The following DIP2C variants were observed in gnomAD, a reference collection of about 807,000 sequenced individuals.
The protein encoded by DIP2C is DIP2 acetate--CoA ligase C (putative), also known as disco-interacting protein 2 homolog C.
DIP2C carries 33 observed loss-of-function variants against 192.4 expected under a neutral mutation model. That is an observed-to-expected ratio of 0.17 (90% CI 0.13 to 0.23). The LOEUF is 0.23. DIP2C is among the 10% of genes least tolerant of loss of function. The pLI is 1.00. For missense variants in DIP2C, 1,537 were observed against 2,110.1 expected (o/e 0.73, Z 5.32); for synonymous variants, 979 against 864.1 (o/e 1.13, Z -2.33).
intron 1 of DIP2C, among the ~76,000 whole-genome samples, chr10:612,127 TCTA>T (rs1244379593): frequency 1.3e-5 from 2 of 152,056 alleles, no homozygotes; most frequent in African/African-American, 4.8e-5. Context: ...AAACCTCGTC[TCTA>T]CTAATACGAA....
intron 2 of DIP2C, among the ~76,000 whole-genome samples, chr10:479,760 A>C (rs1045892907): frequency 2.0e-5 from 3 of 152,196 alleles, no homozygotes; most frequent in Non-Finnish European, 2.9e-5. Context: ...ATACACTGGA[A>C]ATTGTCAGTG....
In DIP2C at chr10:419,426, C is replaced by T. The variant is rs376804857; in HGVS notation, c.605-227G>A. ...GAGCAGAGTTCGGTAAAACCTCAGA[C>T]GTAATTTCCTAACGGGAGCCATGTC... On this transcript the variant is annotated intron_variant, in intron 5 of 36. Transcript: ENST00000280886. Among the ~76,000 whole-genome samples, 7 of 152,312 alleles carry T rather than the reference C, an allele frequency of 4.6e-5. No individual in the cohort carries two copies. In the South Asian group the frequency reaches 6.2e-4, roughly 14 times the overall value.
Position 309,965 on chromosome 10 carries a change from T to C in DIP2C, c.3986+66A>G, listed in dbSNP as rs1956500514. The C allele has an allele frequency of 6.7e-6, 10 of 1,494,660 alleles. No homozygotes were observed. The East Asian group carries it at 2.3e-4, about 34-fold the overall frequency. The allele number at this position is 1,494,660 out of a possible 1,614,324, so 92.6% of individuals were successfully genotyped here. On this transcript the variant is annotated intron_variant, in intron 32 of 36. Coordinates refer to ENST00000280886, the MANE Select transcript of DIP2C (RefSeq NM_014974.3). ...GCACCTCTTCTTCTAGATGGAGACC[T>C]GCATGCAAGGCCGCAGAACAAAACA...
At chr10:671,539 CCACAGACGCACGGACGGAGGAAACGT>C (rs1830640952) in intron 1 of DIP2C, among the ~76,000 whole-genome samples, 5 of 92,220 alleles carry the variant, frequency 5.4e-5, no homozygotes, top group Admixed American at 1.3e-4. Context: ...AGGAAACAGG[CCACAGACGCACGGACGGAGGAAACGT>C]CACAGACGCA....
chr10:456,390 G>A (rs1163842250), intron 3 of DIP2C, among the ~76,000 whole-genome samples: 1 of 143,972 alleles, frequency 6.9e-6, no homozygotes, highest in African/African-American at 2.8e-5. Flanking sequence ...TCTGCAGTGA[G>A]TCCCTGCCTG....
At chr10:486,927 G>A (rs947817254) in intron 1 of DIP2C, among the ~76,000 whole-genome samples, 12 of 152,186 alleles carry the variant, frequency 7.9e-5, no homozygotes, top group Admixed American at 2.6e-4. Context: ...GCACCTATTG[G>A]CATCTTCTTC....
Position 349,425 on chromosome 10 carries a change from C to T in DIP2C, c.3015G>A (p.Val1005=). The T allele has an allele frequency of 1.2e-6, 2 of 1,609,880 alleles. No individual in the cohort carries two copies. The highest frequency in any genetic ancestry group is 1.7e-6 in the Non-Finnish European group (2 of 1,179,060). ...TCTTCTCAGCTCTCTTGTGCAGCTG[C>T]ACGCAGGTCAGCGAGTTCGCTATCG... ...RGAIANSLTC[V]QLHKRAEKIA... The change falls in exon 25 of 37, where the codon GTG becomes GTA. Residue 1005 remains valine, a synonymous_variant. Coordinates refer to ENST00000280886, the MANE Select transcript of DIP2C (RefSeq NM_014974.3).
Position 341,213 on chromosome 10 carries a change from G to C in DIP2C, c.3570C>G (p.Leu1190=), listed in dbSNP as rs776375061. The change falls in exon 29 of 37, where the codon CTC becomes CTG. Residue 1190 remains leucine (L), a synonymous_variant. Transcript: ENST00000280886. Reference sequence around the variant, plus strand: ...AGGCATCTTACCTGCAGAGGCACCAGAGGACAAATCCCAGTCCACAGTAAG... The same window carrying C: ...AGGCATCTTACCTGCAGAGGCACCACAGGACAAATCCCAGTCCACAGTAAG... The part of the protein sequence containing the change: ...LDPYCGLGFV[L]WCLCSVYSGH... The C allele has an allele frequency of 1.9e-6, 3 of 1,614,198 alleles. No homozygotes were observed. In the African/African-American group the frequency reaches 4.0e-5, roughly 22 times the overall value.
chr10:416,446 A>G (rs139264062), intron 6 of DIP2C, among the ~76,000 whole-genome samples: 5 of 151,848 alleles, frequency 3.3e-5, no homozygotes, highest in Non-Finnish European at 7.4e-5. Flanking sequence ...AGCCCTGTCC[A>G]CTCCTAATAA....
rs563219413 is a variant in DIP2C, at chr10:498,663, A to G, written c.86-12133T>C. Among the ~76,000 whole-genome samples the G allele has an allele frequency of 1.1e-4, 16 of 152,226 alleles. No individual in the cohort carries two copies. The East Asian group carries it at 2.5e-3, about 24-fold the overall frequency. Reference sequence around the variant, plus strand: ...CCCAGAGAATATAATTTTTCAATGAAGAAGTCAGCTCACCTCAAGACTCTG... The same window carrying G: ...CCCAGAGAATATAATTTTTCAATGAGGAAGTCAGCTCACCTCAAGACTCTG... On this transcript the variant is annotated intron_variant, in intron 1 of 36. Transcript: ENST00000280886.
intron 1 of DIP2C, chr10:668,243 AAC>A: frequency 6.6e-6 from 1 of 152,222 alleles, no homozygotes; most frequent in East Asian, 1.9e-4. Flanking sequence ...TGCAACTCAC[AAC>A]ACAATATGCA....
At chr10:382,303 C>A (rs1461163745) in intron 17 of DIP2C, among the ~76,000 whole-genome samples, 1 of 152,138 alleles carries the variant, frequency 6.6e-6, no homozygotes, top group Non-Finnish European at 1.5e-5. Flanking sequence ...TGAAAACAGA[C>A]CCTATCCCAC....
chr10:576,778 G>A (rs1029206917), intron 1 of DIP2C, among the ~76,000 whole-genome samples: 21 of 152,072 alleles, frequency 1.4e-4, no homozygotes, highest in African/African-American at 4.1e-4. Context: ...ATGGTGGCAC[G>A]CGCCTGTAAC....
chr10:654,593 A>G (rs1046598670), intron 1 of DIP2C, among the ~76,000 whole-genome samples: 1 of 152,156 alleles, frequency 6.6e-6, no homozygotes, highest in Non-Finnish European at 1.5e-5. Context: ...GAGTATACAG[A>G]CTGCTTCACA....
rs1239696374 is a variant in DIP2C, at chr10:652,736, CTTTCTAGGTA to C, written c.85+36748_85+36757del. On this transcript the variant is annotated intron_variant, in intron 1 of 36. Transcript: ENST00000280886. The surrounding 1 kb of genome is among the most constrained non-coding windows in gnomAD (Gnocchi z 4.5). The stretch of plus-strand genomic sequence containing the variant: ...GACCCCATGAGAACACTTTGTGCGT[CTTTCTAGGTA>C]TTTTCTATCCTCCTCAAGCACAGAA... 6.6e-6 allele frequency: 1 copy of C among 152,244 alleles called. No homozygotes were observed. The highest frequency in any genetic ancestry group is 1.5e-5 in the Non-Finnish European group (1 of 68,072). 9.4% of individuals were successfully genotyped at this position (152,244 alleles called of 1,614,324 possible). A position where few individuals can be genotyped will look rare whatever the true frequency, so the allele number is the denominator to read the frequency against.
chr10:423,123 G>C (rs555464110), intron 4 of DIP2C, 90 bp from the exon 5 acceptor site: 6 of 1,260,178 alleles, frequency 4.8e-6, no homozygotes, highest in South Asian at 1.5e-5. Context: ...TTTACTTCAC[G>C]TAAGTCTCAA....
At chr10:507,155 C>T (rs754834167) in intron 1 of DIP2C, among the ~76,000 whole-genome samples, 1 of 148,708 alleles carries the variant, frequency 6.7e-6, no homozygotes, top group Admixed American at 6.7e-5. Context: ...CAGAGCCATG[C>T]GACGTTACAG....
At chr10:647,820 G>T (rs1358467892) in intron 1 of DIP2C, among the ~76,000 whole-genome samples, 10 of 147,906 alleles carry the variant, frequency 6.8e-5, no homozygotes, top group South Asian at 2.2e-4. Context: ...GGAGAGAACA[G>T]AGGGAAACTG....
intron 10 of DIP2C, among the ~76,000 whole-genome samples, chr10:396,607 T>C (rs1032767315): frequency 6.6e-6 from 1 of 152,012 alleles, no homozygotes; most frequent in African/African-American, 2.4e-5. Context: ...ACCATGGACA[T>C]GAACATCAGC....
Sources: gnomAD v4.1 joint callset for allele counts (sites outside exome capture counted in the v4.1 genomes callset) on GRCh38, gnomAD v4.1.1 for gene constraint, Gnocchi (gnomAD v3.1) non-coding constraint, MANE v1.5 for transcripts, NCBI Gene and HGNC (gene_info 2026-07-23, HGNC 2026-07-21) for gene names.